Variants in AKNAD1 observed in about 807,000 individuals in gnomAD.
AKNAD1 encodes the protein AKNA domain containing 1, also known as protein AKNAD1.
Under a neutral mutation model 90.8 loss-of-function variants are expected in AKNAD1, and 67 were observed. The ratio of observed to expected loss-of-function variants is 0.74; its 90% CI spans 0.61 to 0.90. The LOEUF (loss-of-function observed/expected upper bound fraction) is 0.90, where lower values mean the gene tolerates loss of function less well. Ranked by LOEUF, AKNAD1 falls within the 40% of genes least tolerant of loss-of-function variation. The pLI, the probability that AKNAD1 is intolerant of heterozygous loss-of-function variation, is 0.00. For missense variants in AKNAD1, 957 were observed against 975.4 expected (o/e 0.98, Z 0.25); for synonymous variants, 327 against 341.4 (o/e 0.96, Z 0.46).
chr1:108,838,319 GCC>G (rs61007277), intron 6 of AKNAD1, among the ~76,000 whole-genome samples: 88 of 148,094 alleles, frequency 5.9e-4, no homozygotes, highest in Non-Finnish European at 6.8e-4. Flanking sequence ...CAAAAAGATA[GCC>G]CCCCCCCCAA....
At chr1:108,829,244 A>G (rs1030916047) in intron 10 of AKNAD1, among the ~76,000 whole-genome samples, 2 of 151,596 alleles carry the variant, frequency 1.3e-5, no homozygotes, top group Admixed American at 6.6e-5. Flanking sequence ...TTGATTTTAC[A>G]CTTGGTTGTG....
At chr1:108,835,082 G>C (rs768271573) in intron 7 of AKNAD1, 26 bp from the exon 8 acceptor site, 1 of 1,567,730 alleles carries the variant, frequency 6.4e-7, no homozygotes, top group Non-Finnish European at 8.6e-7. Flanking sequence ...AGAAAGACTT[G>C]AATTAGAGCC....
intron 5 of AKNAD1, 133 bp from the exon 6 acceptor site, chr1:108,843,400 T>C (rs1664611170): frequency 8.6e-7 from 1 of 1,168,534 alleles, no homozygotes; most frequent in African/African-American, 1.5e-5. Flanking sequence ...GCAGCATAAA[T>C]TGTTTTGTCT....
chr1:108,828,132 G>A (rs1218391073), intron 10 of AKNAD1, among the ~76,000 whole-genome samples: 1 of 151,458 alleles, frequency 6.6e-6, no homozygotes, highest in Non-Finnish European at 1.5e-5. Context: ...TTCCTACCAG[G>A]GGAAGAAACT....
intron 14 of AKNAD1, among the ~76,000 whole-genome samples, chr1:108,818,465 T>C (rs1185464544): frequency 6.6e-6 from 1 of 152,146 alleles, no homozygotes; most frequent in African/African-American, 2.4e-5. Context: ...TCTCTCCCCA[T>C]ATCCCATCAG....
Position 108,843,239 on chromosome 1 carries a change from T to C in AKNAD1, c.1274A>G (p.Glu425Gly). 1 of 1,614,142 alleles carries C rather than the reference T, an allele frequency of 6.2e-7. No individual in the cohort carries two copies. Among genetic ancestry groups the C allele is most frequent in the Non-Finnish European group, 8.5e-7 (1 of 1,180,016 alleles). ...LVLEKLQGHL[E>G]LLEQNFLATK... is the part of the protein sequence containing the mutation. ...GGCCAGAAAGTTCTGCTCCAGCAGT[T>C]CAAGGTGTCCCTGCAGTTTCTCCAG... The change falls in exon 6 of 16, where the codon GAA (glutamate) becomes GGA (glycine). Residue 425 changes from glutamate (E) to glycine (G), a missense_variant. Glu to Gly is a moderately conservative substitution (Grantham distance 98). Coordinates refer to ENST00000370001, the MANE Select transcript of AKNAD1 (RefSeq NM_152763.5).
Position 108,827,143 on chromosome 1 carries a change from G to A in AKNAD1, c.1936+62C>T, listed in dbSNP as rs978682064. On this transcript the variant is annotated intron_variant, in intron 11 of 15. Coordinates refer to ENST00000370001, the MANE Select transcript of AKNAD1 (RefSeq NM_152763.5). Reference sequence around the variant, plus strand: ...CAGATGGCAAGCTGGTGCCTACTGCGAGCAGACCCCATGGGGAGGGACACT... The same window carrying A: ...CAGATGGCAAGCTGGTGCCTACTGCAAGCAGACCCCATGGGGAGGGACACT... 29 of 1,253,174 alleles carry A rather than the reference G, an allele frequency of 2.3e-5. No individual in the cohort carries two copies. The South Asian group carries it at 2.3e-4, about 10-fold the overall frequency. 77.6% of individuals were successfully genotyped at this position (1,253,174 alleles called of 1,614,324 possible).
intron 14 of AKNAD1, among the ~76,000 whole-genome samples, chr1:108,819,221 C>T (rs183610998): frequency 5.9e-4 from 90 of 152,278 alleles, no homozygotes; most frequent in African/African-American, 1.9e-3. Context: ...TCTTATTTGG[C>T]CTTTGTCCTC....
intron 9 of AKNAD1, among the ~76,000 whole-genome samples, chr1:108,833,811 G>T (rs559974025): frequency 6.6e-6 from 1 of 151,414 alleles, no homozygotes; most frequent in Non-Finnish European, 1.5e-5. Context: ...TACATTAGCA[G>T]AATGCAGGGA....
intron 7 of AKNAD1, chr1:108,836,967 C>T (rs2101191623): frequency 1.3e-5 from 2 of 152,376 alleles, no homozygotes; most frequent in East Asian, 3.9e-4. Flanking sequence ...TCAGGTGGCT[C>T]ATGCCTGTAA....
At chr1:108,854,324 G>A (rs933423273) in intron 1 of AKNAD1, among the ~76,000 whole-genome samples, 2 of 152,178 alleles carry the variant, frequency 1.3e-5, no homozygotes, top group East Asian at 3.9e-4. Context: ...TGGAGCACCA[G>A]CCCAGGGTGA....
intron 5 of AKNAD1, among the ~76,000 whole-genome samples, chr1:108,846,686 T>C (rs771295252): frequency 3.3e-5 from 5 of 152,092 alleles, no homozygotes; most frequent in African/African-American, 1.2e-4. Context: ...CTCTGTGTAT[T>C]TTGCCTGGCC....
rs145355055 is a variant in AKNAD1 at position 108,856,551 on chromosome 1, T to C, written c.-104+378A>G. ...CCTGTCTCTACAAAGAAAAAAAAAA[T>C]TAAAAATTAGCCAGCAGTGGTGGTA... is the stretch of plus-strand genomic sequence containing the variant. On this transcript the variant is annotated intron_variant, in intron 1 of 15. Transcript: ENST00000370001. 2.2e-3 allele frequency among the ~76,000 whole-genome samples: 326 copies of C among 146,172 alleles called. 1 individual carries two copies. The highest frequency in any genetic ancestry group is 7.6e-3 in the Admixed American group (111 of 14,666).
intron 7 of AKNAD1, among the ~76,000 whole-genome samples, chr1:108,835,860 G>A (rs376509784): frequency 6.0e-4 from 91 of 152,122 alleles, no homozygotes; most frequent in East Asian, 3.7e-3. Flanking sequence ...TCCTGACCTC[G>A]TGATCCGCCT....
intron 2 of AKNAD1, 100 bp from the exon 3 acceptor site, chr1:108,849,676 A>G: frequency 1.2e-6 from 1 of 860,100 alleles, no homozygotes; most frequent in Non-Finnish European, 1.9e-6. Context: ...GAGGGAGCCC[A>G]GGTTTGCAGT....
intron 15 of AKNAD1, 22 bp downstream of exon 15, chr1:108,817,026 G>T: frequency 6.2e-7 from 1 of 1,612,884 alleles, no homozygotes; most frequent in South Asian, 1.1e-5. Context: ...AATGCTTCTC[G>T]AATGATTTTC....
intron 14 of AKNAD1, among the ~76,000 whole-genome samples, chr1:108,819,803 C>T (rs768687239): frequency 2.0e-5 from 3 of 149,088 alleles, no homozygotes; most frequent in Admixed American, 6.8e-5. Flanking sequence ...GAGGCTGAGG[C>T]GGGAGGATGA....
chr1:108,832,627 T>C (rs146900797), intron 9 of AKNAD1, among the ~76,000 whole-genome samples: 1 of 152,338 alleles, frequency 6.6e-6, no homozygotes, highest in Non-Finnish European at 1.5e-5. Flanking sequence ...CCCTTAATAT[T>C]TTCTCAGTTG....
rs546673294 is a variant in AKNAD1, at chr1:108,826,228, T to C, written c.1936+977A>G. Among the ~76,000 whole-genome samples, 2 of 151,880 alleles carry C rather than the reference T, an allele frequency of 1.3e-5. 1 individual carries two copies. The highest frequency in any genetic ancestry group is 4.0e-4 in the East Asian group (2 of 5,028). Reference sequence around the variant, plus strand: ...ATAACAGAAGGCAGAGCTGGAGGCATGGCTCTGGGCCACAGGCAGTGCAGA... The same window carrying C: ...ATAACAGAAGGCAGAGCTGGAGGCACGGCTCTGGGCCACAGGCAGTGCAGA... On this transcript the variant is annotated intron_variant, in intron 11 of 15. Coordinates refer to ENST00000370001, the MANE Select transcript of AKNAD1 (RefSeq NM_152763.5).
Sources: allele counts gnomAD v4.1 joint callset (sites outside exome capture counted in the v4.1 genomes callset), GRCh38; gene constraint gnomAD v4.1.1; transcripts MANE v1.5; gene names NCBI Gene and HGNC (gene_info 2026-07-23, HGNC 2026-07-21).